CNTN5: variants seen among roughly 807,000 people sequenced by gnomAD.
The protein encoded by CNTN5 is contactin-5.
Under a neutral mutation model 129.1 loss-of-function variants are expected in CNTN5, and 77 were observed. The ratio of observed to expected loss-of-function variants is 0.60; its 90% confidence interval spans 0.50 to 0.72. CNTN5 has a LOEUF of 0.72. Ranked by LOEUF, CNTN5 falls within the 30% of genes least tolerant of loss-of-function variation. The probability of loss-of-function intolerance (pLI) is 0.00; values close to 1 mark genes in which losing one functional copy is unlikely to be tolerated. For synonymous variants in CNTN5, 509 were observed against 465.6 expected (o/e 1.09, Z -1.20); for missense variants, 1,478 against 1,328.8 (o/e 1.11, Z -1.75).
At chr11:100,278,929 C>A (rs999792171) in intron 18 of CNTN5, among the ~76,000 whole-genome samples, 7 of 151,860 alleles carry the variant, frequency 4.6e-5, no homozygotes, top group African/African-American at 1.7e-4. Flanking sequence ...TAATATAATA[C>A]TAGCTGTGAG....
intron 1 of CNTN5, among the ~76,000 whole-genome samples, chr11:99,050,336 A>T (rs181996476): frequency 6.6e-6 from 1 of 152,198 alleles, no homozygotes; most frequent in Non-Finnish European, 1.5e-5. Flanking sequence ...GGGTAAAGAA[A>T]AAAGAAGTGC....
intron 3 of CNTN5, among the ~76,000 whole-genome samples, chr11:99,690,269 T>C (rs1028980396): frequency 1.3e-5 from 2 of 152,176 alleles, no homozygotes; most frequent in Admixed American, 1.3e-4. Flanking sequence ...GGGTTCTCTA[T>C]TCTGTTCCAT....
At chr11:100,276,973 A>G (rs1436951768) in intron 18 of CNTN5, among the ~76,000 whole-genome samples, 1 of 151,718 alleles carries the variant, frequency 6.6e-6, no homozygotes. Context: ...CCCACTACCA[A>G]CTACACTTCC....
chr11:99,941,832 G>T (rs1344230072), intron 7 of CNTN5, among the ~76,000 whole-genome samples: 2 of 152,082 alleles, frequency 1.3e-5, no homozygotes, highest in Non-Finnish European at 2.9e-5. Context: ...AGAAATAAAA[G>T]ACAGTGTTGT....
rs182344400 is a variant in CNTN5, at chr11:100,061,216, G to A, written c.985G>A (p.Val329Ile). ...TATTTTTGTTCCCTATCGTAGCCCC[G>A]TTCCAACAATCACATGGATGAAGGT... The part of the protein sequence containing the change: ...KMECFALGNP[V>I]PTITWMKVNG... The change falls in exon 10 of 25, where the codon GTT becomes ATT. Residue 329 changes from valine to isoleucine, a missense_variant. Transcript: ENST00000524871. The A allele has an allele frequency of 6.2e-5, 99 of 1,606,594 alleles. No individual in the cohort carries two copies. In the African/African-American group the frequency reaches 8.5e-4, roughly 14 times the overall value.
At chr11:99,519,325 T>A (rs1034494034) in intron 2 of CNTN5, among the ~76,000 whole-genome samples, 1 of 152,098 alleles carries the variant, frequency 6.6e-6, no homozygotes, top group Non-Finnish European at 1.5e-5. Flanking sequence ...TATGCAATAC[T>A]CTTCTTCTTA....
chr11:99,461,826 T>A lies in CNTN5; in HGVS notation c.-70-94319T>A, dbSNP rs532118666. Among the ~76,000 whole-genome samples, 9 of 152,320 alleles carry A rather than the reference T, an allele frequency of 5.9e-5. No individual in the cohort carries two copies. In the South Asian group the frequency reaches 6.2e-4, roughly 11 times the overall value. On this transcript the variant is annotated intron_variant, in intron 2 of 24. Transcript: ENST00000524871. Reference sequence around the variant, plus strand: ...CTCTTTAAAATGTGCAACTTTTTTTTAAAATGTAGAATTTAAAATAGAATT... The same window carrying A: ...CTCTTTAAAATGTGCAACTTTTTTTAAAAATGTAGAATTTAAAATAGAATT...
At chr11:99,817,272 G>C (rs540259757) in intron 3 of CNTN5, among the ~76,000 whole-genome samples, 2 of 152,130 alleles carry the variant, frequency 1.3e-5, no homozygotes, top group African/African-American at 2.4e-5. Flanking sequence ...ACAGCTTTGC[G>C]TTCACATTAA....
intron 1 of CNTN5, among the ~76,000 whole-genome samples, chr11:99,265,834 C>G (rs890909220): frequency 6.6e-6 from 1 of 151,876 alleles, no homozygotes. Context: ...CTCATTCACT[C>G]GGTAAGTAGC....
At chr11:99,970,531 G>C (rs1951220838) in intron 8 of CNTN5, among the ~76,000 whole-genome samples, 1 of 152,118 alleles carries the variant, frequency 6.6e-6, no homozygotes, top group South Asian at 2.1e-4. Flanking sequence ...TTATCTGATA[G>C]GGTTCCTGTG....
chr11:99,926,824 T>G (rs1477273223), intron 7 of CNTN5, among the ~76,000 whole-genome samples: 1 of 152,162 alleles, frequency 6.6e-6, no homozygotes, highest in East Asian at 1.9e-4. Context: ...TTGATAATTT[T>G]GCTTTATTGA....
intron 3 of CNTN5, among the ~76,000 whole-genome samples, chr11:99,671,801 T>C (rs1953056073): frequency 6.6e-6 from 1 of 152,148 alleles, no homozygotes; most frequent in African/African-American, 2.4e-5. Context: ...AATAGTAATA[T>C]ATTCGAGTAG....
In CNTN5 at chr11:99,916,152, A is replaced by G; in HGVS notation, c.673+3A>G. The G allele has an allele frequency of 6.2e-7, 1 of 1,608,756 alleles. No homozygotes were observed. Among genetic ancestry groups the G allele is most frequent in the Non-Finnish European group, 8.5e-7 (1 of 1,176,702 alleles). ...CTCTCCTCCGCCACATTCACCAGGT[A>G]CAGTAGGATCTCATTCTTTGCTGCT... On this transcript the variant is annotated splice_donor_region_variant and intron_variant, in intron 7 of 24. Transcript: ENST00000524871.
intron 3 of CNTN5, among the ~76,000 whole-genome samples, chr11:99,763,131 A>G (rs1944641977): frequency 8.6e-6 from 1 of 115,908 alleles, no homozygotes; most frequent in South Asian, 2.6e-4. Context: ...ACTTTACTGT[A>G]TCAACAATGT....
intron 2 of CNTN5, among the ~76,000 whole-genome samples, chr11:99,535,690 G>A (rs959504693): frequency 6.6e-6 from 1 of 152,128 alleles, no homozygotes; most frequent in Non-Finnish European, 1.5e-5. Context: ...GAAATGAATA[G>A]ACAGCAAAGT....
intron 2 of CNTN5, among the ~76,000 whole-genome samples, chr11:99,469,531 G>C (rs1318826720): frequency 2.0e-5 from 3 of 151,680 alleles, no homozygotes; most frequent in Non-Finnish European, 4.4e-5. Flanking sequence ...GATCTATGTT[G>C]GGATAATATT....
intron 3 of CNTN5, among the ~76,000 whole-genome samples, chr11:99,788,153 C>T (rs1945604109): frequency 6.6e-6 from 1 of 151,914 alleles, no homozygotes; most frequent in African/African-American, 2.4e-5. Flanking sequence ...GTATCTTCCT[C>T]ATATAGAAAG....
chr11:99,885,284 A>G (rs746755588), intron 6 of CNTN5, among the ~76,000 whole-genome samples: 2 of 152,130 alleles, frequency 1.3e-5, no homozygotes, highest in Non-Finnish European at 2.9e-5. Flanking sequence ...CCTGTCTCAA[A>G]ATAAAAAAAA....
intron 3 of CNTN5, among the ~76,000 whole-genome samples, chr11:99,779,615 T>G (rs1478103207): frequency 6.6e-6 from 1 of 151,994 alleles, no homozygotes; most frequent in Non-Finnish European, 1.5e-5. Context: ...GAAGAATTTC[T>G]TCAAATTCTA....
Sources: gnomAD v4.1 joint callset for allele counts (sites outside exome capture counted in the v4.1 genomes callset) on GRCh38, gnomAD v4.1.1 for gene constraint, MANE v1.5 for transcripts, NCBI Gene and HGNC (gene_info 2026-07-23, HGNC 2026-07-21) for gene names.